BPIFB1: variants seen among roughly 807,000 people sequenced by gnomAD.
The protein encoded by BPIFB1 is BPI fold-containing family B member 1.
A neutral mutation model predicts 55.1 loss-of-function variants in BPIFB1; 34 were observed. That is an observed-to-expected ratio of 0.62 (90% CI 0.47 to 0.82). The LOEUF (loss-of-function observed/expected upper bound fraction) is 0.82. BPIFB1 is among the 40% of genes least tolerant of loss of function. The pLI is 0.00. For synonymous variants in BPIFB1, 236 were observed against 245.3 expected, an observed-to-expected ratio of 0.96 and a Z score of 0.35; for missense variants, 532 against 593.1, an observed-to-expected ratio of 0.90 and a Z score of 1.07.
At chr20:33,307,017 C>T (rs1285914367) in intron 15 of BPIFB1, 30 bp downstream of exon 15, 9 of 1,599,220 alleles carry the variant, frequency 5.6e-6, no homozygotes, top group Admixed American at 5.0e-5. Flanking sequence ...AACATCCTGC[C>T]CCAGGGAGGG....
intron 3 of BPIFB1, 92 bp from the exon 4 acceptor site, chr20:33,289,793 G>C (rs928690893): frequency 8.1e-7 from 1 of 1,233,160 alleles, no homozygotes; most frequent in African/African-American, 1.5e-5. Context: ...TGCTGCCTAG[G>C]CACCCCAGGG....
At chr20:33,307,084 C>A in intron 15 of BPIFB1, 97 bp downstream of exon 15, 1 of 1,139,294 alleles carries the variant, frequency 8.8e-7, no homozygotes, top group Non-Finnish European at 1.3e-6. Flanking sequence ...CCCCAGCCTA[C>A]AGGTGACCCT....
In BPIFB1 at chr20:33,286,117, C is replaced by A. The variant is rs1426743906; in HGVS notation, c.44C>A (p.Ala15Glu). 3.1e-6 allele frequency: 5 copies of A among 1,614,218 alleles called. No individual in the cohort carries two copies. Residue 15 changes from alanine to glutamate, a missense_variant, in exon 2 of 16, where the codon GCA (alanine) becomes GAA (glutamate). Physicochemically the swap from Ala to Glu is moderately radical, Grantham distance 107. Coordinates refer to ENST00000253354, the MANE Select transcript of BPIFB1 (RefSeq NM_033197.3). ...WTFTLLCGLLAATLIQATLSP... is the reference protein window; with the variant it reads ...WTFTLLCGLLEATLIQATLSP... Reference sequence around the variant, plus strand: ...TTCACCCTTCTCTGTGGTTTGCTGGCAGCCACCTTGATCCAAGCCACCCTC... The same window carrying A: ...TTCACCCTTCTCTGTGGTTTGCTGGAAGCCACCTTGATCCAAGCCACCCTC...
At chr20:33,295,951 A>AGG (rs1980639823) in intron 6 of BPIFB1, among the ~76,000 whole-genome samples, 1 of 109,806 alleles carries the variant, frequency 9.1e-6, no homozygotes, top group African/African-American at 3.6e-5. Flanking sequence ...AAAAAGAGAG[A>AGG]GAGGGAGGGA....
chr20:33,291,786 G>A (rs1434546185), intron 5 of BPIFB1, 121 bp from the exon 6 acceptor site: 18 of 840,720 alleles, frequency 2.1e-5, no homozygotes, highest in South Asian at 1.7e-4. Context: ...TCTCTAACAC[G>A]TCCTGTGACC....
chr20:33,306,960 C>T lies in BPIFB1; in HGVS notation c.1368C>T (p.Phe456=), dbSNP rs41311304. 0.04 allele frequency: 65,303 copies of T among 1,613,862 alleles called. 1,545 individuals carry two copies. Among genetic ancestry groups the T allele is most frequent in the Middle Eastern group, 0.062 (375 of 6,062 alleles). ...TGTCATTGGTGAAGGCCTTGGGATT[C>T]GAGGCAGCTGAGTCCTCACTGACCA... is the stretch of plus-strand genomic sequence containing the variant. ...VPVSLVKALG[F]EAAESSLTKD... Residue 456 remains phenylalanine, a synonymous_variant, in exon 15 of 16, where the codon TTC becomes TTT. Coordinates refer to ENST00000253354, the MANE Select transcript of BPIFB1 (RefSeq NM_033197.3).
In BPIFB1 at chr20:33,304,041, A is replaced by G. The variant is rs765932039; in HGVS notation, c.1208+16A>G. On this transcript the variant is annotated intron_variant, in intron 12 of 15. Coordinates refer to ENST00000253354, the MANE Select transcript of BPIFB1 (RefSeq NM_033197.3). ...ATAACATCAGGTAAACACACAAATC[A>G]TCATGAAGATTCTGCTGATGGAAAT... The G allele has an allele frequency of 6.2e-7, 1 of 1,605,516 alleles. No homozygotes were observed.
chr20:33,295,938 C>T (rs1401880159), intron 6 of BPIFB1, among the ~76,000 whole-genome samples: 4 of 112,640 alleles, frequency 3.6e-5, no homozygotes, highest in Admixed American at 1.4e-4. Context: ...GAAGGAAGGA[C>T]GGAAAAAGAG....
intron 1 of BPIFB1, among the ~76,000 whole-genome samples, chr20:33,285,782 G>T (rs149776353): frequency 1.3e-5 from 2 of 151,828 alleles, no homozygotes; most frequent in Non-Finnish European, 2.9e-5. Flanking sequence ...GAAAGACACC[G>T]TGCTAAATGC....
chr20:33,299,347 T>TG (rs11479498), intron 7 of BPIFB1: 1 of 369,154 alleles, frequency 2.7e-6, no homozygotes, highest in East Asian at 7.5e-5. Flanking sequence ...ACGAGATCTT[T>TG]GGGGGGAGCA....
rs1419663870 is a variant in BPIFB1, at chr20:33,288,850, C to G, written c.225C>G (p.Ser75Arg). ...KPAGGIPVLG[S>R]LVNTVLKHII... Reference sequence around the variant, plus strand: ...CCGGAGGCATCCCTGTGCTGGGCAGCCTGGTGAACACCGTCCTGAAGCACA... The same window carrying G: ...CCGGAGGCATCCCTGTGCTGGGCAGGCTGGTGAACACCGTCCTGAAGCACA... The change falls in exon 3 of 16, where the codon AGC becomes AGG. Residue 75 changes from serine to arginine, a missense_variant. By Grantham distance (110) the Ser-to-Arg change is moderately radical. Coordinates refer to ENST00000253354, the MANE Select transcript of BPIFB1 (RefSeq NM_033197.3). 1 of 1,613,694 alleles carries G rather than the reference C, an allele frequency of 6.2e-7. No individual in the cohort carries two copies. Among genetic ancestry groups the G allele is most frequent in the African/African-American group, 1.3e-5 (1 of 74,944 alleles).
intron 2 of BPIFB1, among the ~76,000 whole-genome samples, chr20:33,287,747 G>A (rs1005448796): frequency 1.8e-4 from 27 of 152,148 alleles, no homozygotes; most frequent in Admixed American, 3.3e-4. Flanking sequence ...GGGGGCTGCT[G>A]TTAACTCACG....
At chr20:33,304,163 C>T in intron 12 of BPIFB1, 138 bp downstream of exon 12, 7 of 720,326 alleles carry the variant, frequency 9.7e-6, no homozygotes, top group Non-Finnish European at 1.4e-5. Flanking sequence ...CTTCCGGATG[C>T]TCCTGCTGAC....
Position 33,302,346 on chromosome 20 carries a change from C to T in BPIFB1, c.928-13C>T. The T allele has an allele frequency of 6.2e-7, 1 of 1,613,984 alleles. No homozygotes were observed. The highest frequency in any genetic ancestry group is 8.5e-7 in the Non-Finnish European group (1 of 1,179,930). On this transcript the variant is annotated splice_polypyrimidine_tract_variant and intron_variant, in intron 9 of 15. Transcript: ENST00000253354. ...CCCTCCAACTGACCTTCTCTGGCTC[C>T]TCTCACCCTCAGCTTCCTGAGAGTG...
intron 7 of BPIFB1, chr20:33,299,134 G>T: frequency 4.4e-6 from 2 of 456,704 alleles, no homozygotes; most frequent in Non-Finnish European, 8.8e-6. Flanking sequence ...ATTCAGACGC[G>T]AGAAGAGACC....
Position 33,286,332 on chromosome 20 carries a change from T to C in BPIFB1, c.115+144T>C. The C allele has an allele frequency of 5.7e-6, 4 of 706,244 alleles. No homozygotes were observed. The South Asian group carries it at 7.0e-5, about 12-fold the overall frequency. The allele number at this position is 706,244 out of a possible 1,614,324, so 43.7% of individuals were successfully genotyped here. On this transcript the variant is annotated intron_variant, in intron 2 of 15. Coordinates refer to ENST00000253354, the MANE Select transcript of BPIFB1 (RefSeq NM_033197.3). ...GTGGGTGAACATGAGTGGGAGGTTG[T>C]AAAGGTCTGGAGAGTCTGTGATCTC...
At chr20:33,304,072 C>T (rs757591238) in intron 12 of BPIFB1, 47 bp downstream of exon 12, 2 of 1,547,514 alleles carry the variant, frequency 1.3e-6, no homozygotes, top group Admixed American at 1.8e-5. Flanking sequence ...GAAATGAGTC[C>T]CGCCTGGTAA....
rs200329226 is a variant in BPIFB1 at position 33,304,854 on chromosome 20, G to C, written c.1217G>C (p.Arg406Pro). 3.1e-6 allele frequency: 5 copies of C among 1,614,138 alleles called. No homozygotes were observed. The East Asian group carries it at 1.1e-4, about 36-fold the overall frequency. ...ILNLNNISSD[R>P]IQLMNSGIGW... is the part of the protein sequence containing the mutation. ...GGCATCTTCCATTGCAGCTCTGATCGGATCCAGCTGATGAACTCTGGGATT... is the reference window on the plus strand; with the variant it reads ...GGCATCTTCCATTGCAGCTCTGATCCGATCCAGCTGATGAACTCTGGGATT... The change falls in exon 13 of 16, where the codon CGG (arginine) becomes CCG (proline). Residue 406 changes from arginine to proline, a missense_variant. Coordinates refer to ENST00000253354, the MANE Select transcript of BPIFB1 (RefSeq NM_033197.3).
Position 33,304,905 on chromosome 20 carries a change from G to A in BPIFB1, c.1254+14G>A. 1 of 1,613,990 alleles carries A rather than the reference G, an allele frequency of 6.2e-7. No homozygotes were observed. Among genetic ancestry groups the A allele is most frequent in the Non-Finnish European group, 8.5e-7 (1 of 1,179,866 alleles). On this transcript the variant is annotated intron_variant, in intron 13 of 15. Coordinates refer to ENST00000253354, the MANE Select transcript of BPIFB1 (RefSeq NM_033197.3). ...GGCTGGTTCCAAGTAAGTGTTAACA[G>A]GTGGTGCCTGAGGGCACAGGGGGTG...
Sources: allele counts gnomAD v4.1 joint callset (sites outside exome capture counted in the v4.1 genomes callset), GRCh38; gene constraint gnomAD v4.1.1; transcripts MANE v1.5; gene names NCBI Gene and HGNC (gene_info 2026-07-23, HGNC 2026-07-21).